ABCB8: variants seen among roughly 807,000 people sequenced by gnomAD.
ABCB8 encodes mitochondrial potassium channel ATP-binding subunit.
Under a neutral mutation model 73.0 loss-of-function variants are expected in ABCB8, and 52 were observed. That is an observed-to-expected ratio of 0.71 (90% CI 0.57 to 0.90). The LOEUF is 0.90. Ranked by LOEUF, ABCB8 falls within the 40% of genes least tolerant of loss-of-function variation. The probability of loss-of-function intolerance (pLI) is 0.00; values close to 1 mark genes in which losing one functional copy is unlikely to be tolerated. For missense variants in ABCB8, 909 were observed against 974.6 expected (o/e 0.93, Z 0.90); for synonymous variants, 428 against 423.5 (o/e 1.01, Z -0.13).
chr7:151,044,409 C>T (rs1024495028), intron 15 of ABCB8, among the ~76,000 whole-genome samples, 188 bp downstream of exon 15: 1 of 152,192 alleles, frequency 6.6e-6, no homozygotes, highest in African/African-American at 2.4e-5. Context: ...CTCTCAGGCC[C>T]TCAGTTTCTT....
At position 151,035,719 on chromosome 7, in the gene ABCB8, T is replaced by C. The variant is rs1320103744; in HGVS notation, c.904T>C (p.Leu302=). 6.2e-7 allele frequency: 1 copy of C among 1,613,254 alleles called. No homozygotes were observed. Among genetic ancestry groups the C allele is most frequent in the East Asian group, 2.2e-5 (1 of 44,870 alleles). The change falls in exon 6 of 16, where the codon TTG becomes CTG. Residue 302 remains leucine, a synonymous_variant. Coordinates refer to ENST00000358849, the MANE Select transcript of ABCB8 (RefSeq NM_007188.5). The part of the protein sequence containing the change: ...GTLMGSGLRK[L]SRQCQEQIAR... ...CCTGATGGGCTCAGGCCTCCGAAAA[T>C]TGTCTCGCCAGTGTCAGGAGCAGGT...
In ABCB8 at chr7:151,045,672, G is replaced by C; in HGVS notation, c.*323G>C. On this transcript the variant is annotated 3_prime_UTR_variant, in exon 16 of 16. Transcript: ENST00000358849. ...GACCCCTCCAGACCTCTCAAGAGAC[G>C]TTCTGGCCAGTCTCCCTGCCCCACC... The C allele has an allele frequency of 3.7e-6, 1 of 267,592 alleles. No homozygotes were observed. Among genetic ancestry groups the C allele is most frequent in the Non-Finnish European group, 7.0e-6 (1 of 143,234 alleles). 16.6% of individuals were successfully genotyped at this position (267,592 alleles called of 1,614,324 possible). A position where few individuals can be genotyped will look rare whatever the true frequency, so the allele number is the denominator to read the frequency against.
intron 1 of ABCB8, among the ~76,000 whole-genome samples, chr7:151,032,431 C>A (rs1796188753): frequency 6.6e-6 from 1 of 152,236 alleles, no homozygotes; most frequent in Non-Finnish European, 1.5e-5. Flanking sequence ...CACGGTGGCT[C>A]ATACCTGGAA....
At chr7:151,030,777 T>C (rs551264559) in intron 1 of ABCB8, among the ~76,000 whole-genome samples, 1 of 152,044 alleles carries the variant, frequency 6.6e-6, no homozygotes, top group East Asian at 1.9e-4. Flanking sequence ...CTGTCTGTAC[T>C]AAAAATACAA....
intron 6 of ABCB8, 38 bp downstream of exon 6, chr7:151,035,780 C>T (rs551492714): frequency 1.2e-6 from 2 of 1,610,664 alleles, no homozygotes; most frequent in Admixed American, 1.7e-5. Context: ...ACCCTCCCCA[C>T]ACCGTTTCTC....
chr7:151,035,517 T>C (rs1796278365), intron 5 of ABCB8, 64 bp from the exon 6 acceptor site: 2 of 1,520,352 alleles, frequency 1.3e-6, no homozygotes, highest in Non-Finnish European at 1.8e-6. Flanking sequence ...AGCTGACCCT[T>C]GGAAAAGTCC....
Position 151,033,887 on chromosome 7 carries a change from C to G in ABCB8, c.378C>G (p.Pro126=). 6 of 1,608,010 alleles carry G rather than the reference C, an allele frequency of 3.7e-6. No individual in the cohort carries two copies. The highest frequency in any genetic ancestry group is 5.1e-6 in the Non-Finnish European group (6 of 1,176,100). The part of the protein sequence containing the change: ...NWKLFWQFLH[P]HLLVLGVAVV... Reference sequence around the variant, plus strand: ...AGCTCTTCTGGCAGTTTCTGCACCCCCACCTGCTGGTCCTGGGGGTAGCCG... The same window carrying G: ...AGCTCTTCTGGCAGTTTCTGCACCCGCACCTGCTGGTCCTGGGGGTAGCCG... The change falls in exon 2 of 16, where the codon CCC becomes CCG. Residue 126 remains proline (P), a synonymous_variant. Transcript: ENST00000358849.
In ABCB8 at chr7:151,041,232, G is replaced by A; in HGVS notation, c.1617G>A (p.Gln539=). The change falls in exon 13 of 16, where the codon CAG becomes CAA. Residue 539 remains glutamine (Q), a splice_region_variant and synonymous_variant. Transcript: ENST00000358849. ...GCCAGGTTGTCGGCTTCATCAGCCA[G>A]GTGCGGGGCCACATGGGCAGCCCTT... ...LRGQVVGFIS[Q]EPVLFGTTIM... is the part of the protein sequence containing the mutation. 2 of 1,598,840 alleles carry A rather than the reference G, an allele frequency of 1.3e-6. No homozygotes were observed. The highest frequency in any genetic ancestry group is 8.5e-7 in the Non-Finnish European group (1 of 1,177,566).
At position 151,041,360 on chromosome 7, in the gene ABCB8, C is replaced by T. The variant is rs4148849; in HGVS notation, c.1617+128C>T. The T allele has an allele frequency of 6.5e-4, 823 of 1,274,400 alleles. 10 individuals carry two copies. In the East Asian group the frequency reaches 0.019, roughly 30 times the overall value. The allele number at this position is 1,274,400 out of a possible 1,614,324, so 78.9% of individuals were successfully genotyped here. Reference sequence around the variant, plus strand: ...CTTGCTGCTCTCGGGAGACCCTGGCCGTCTTCACATGTCCTCAGCTGTTGT... The same window carrying T: ...CTTGCTGCTCTCGGGAGACCCTGGCTGTCTTCACATGTCCTCAGCTGTTGT... On this transcript the variant is annotated intron_variant, in intron 13 of 15. Coordinates refer to ENST00000358849, the MANE Select transcript of ABCB8 (RefSeq NM_007188.5).
chr7:151,030,644 C>G (rs992939210), intron 1 of ABCB8, among the ~76,000 whole-genome samples: 7 of 151,698 alleles, frequency 4.6e-5, no homozygotes, highest in African/African-American at 1.7e-4. Flanking sequence ...ATGGTGAAAC[C>G]CCATACAAAA....
chr7:151,043,681 G>A (rs1796532389), intron 14 of ABCB8, among the ~76,000 whole-genome samples: 1 of 143,742 alleles, frequency 7.0e-6, no homozygotes, highest in Admixed American at 7.0e-5. Flanking sequence ...GAGGGTCAGA[G>A]GCAGGACGAG....
Position 151,040,843 on chromosome 7 carries a change from CGGCTTCGA to C in ABCB8, c.1407_1414del (p.Phe470AlafsTer53), listed in dbSNP as rs758886830. 12 of 1,596,256 alleles carry C rather than the reference CGGCTTCGA, an allele frequency of 7.5e-6. No individual in the cohort carries two copies. Among genetic ancestry groups the C allele is most frequent in the Non-Finnish European group, 1.0e-5 (12 of 1,171,726 alleles). On this transcript the variant is annotated frameshift_variant, in exon 12 of 16. Transcript: ENST00000358849. LOFTEE classifies it high-confidence loss of function. ...CTCCTCCCAGCTACCCCTGCCGCCCCGGCTTCGAGGTGCTGAAAGACTTCACCCTGACG... is the reference window on the plus strand; with the variant it reads ...CTCCTCCCAGCTACCCCTGCCGCCCCGGTGCTGAAAGACTTCACCCTGACG...
At chr7:151,028,639 G>T (rs1350907556) in intron 1 of ABCB8, 29 bp downstream of exon 1, 6 of 1,602,748 alleles carry the variant, frequency 3.7e-6, no homozygotes, top group Non-Finnish European at 5.1e-6. Flanking sequence ...ACTCAGAGCG[G>T]GCCATTGACC....
At chr7:151,035,128 G>A (rs142398497) in intron 5 of ABCB8, among the ~76,000 whole-genome samples, 84 of 152,254 alleles carry the variant, frequency 5.5e-4, no homozygotes, top group African/African-American at 1.8e-3. Flanking sequence ...AAATCACTTC[G>A]CCTGCCTTGT....
intron 9 of ABCB8, 59 bp downstream of exon 9, chr7:151,036,708 G>A: frequency 7.0e-7 from 1 of 1,435,898 alleles, no homozygotes. Context: ...GAGCCCTGCT[G>A]GGTTAGGGGA....
chr7:151,028,943 T>G, intron 1 of ABCB8: 1 of 1,321,194 alleles, frequency 7.6e-7, no homozygotes, highest in Non-Finnish European at 9.9e-7. Context: ...AAATTCTTAT[T>G]AGTATGAAGA....
chr7:151,036,807 A>T (rs1283970837), intron 9 of ABCB8, 158 bp downstream of exon 9: 6 of 774,660 alleles, frequency 7.7e-6, no homozygotes, highest in African/African-American at 1.7e-5. Flanking sequence ...GGGGAGAGAG[A>T]GCCCCTCAGG....
At chr7:151,034,163 G>T in intron 2 of ABCB8, 110 bp from the exon 3 acceptor site, 1 of 1,330,038 alleles carries the variant, frequency 7.5e-7, no homozygotes, top group Non-Finnish European at 1.0e-6. Flanking sequence ...CCACAACCTG[G>T]ACAAGCGCAG....
chr7:151,036,465 C>A, intron 8 of ABCB8, 79 bp from the exon 9 acceptor site: 2 of 1,274,942 alleles, frequency 1.6e-6, no homozygotes, highest in Non-Finnish European at 2.3e-6. Context: ...CTGACTCTCC[C>A]AGTCAGCAGT....
Sources: gnomAD v4.1 joint callset for allele counts (sites outside exome capture counted in the v4.1 genomes callset) on GRCh38, gnomAD v4.1.1 for gene constraint, MANE v1.5 for transcripts, NCBI Gene and HGNC (gene_info 2026-07-23, HGNC 2026-07-21) for gene names.